The following METTL25 variants were observed in gnomAD, a reference collection of about 807,000 sequenced individuals.
METTL25 encodes methyltransferase like 25.
A neutral mutation model predicts 71.6 loss-of-function variants in METTL25; 64 were observed. The observed-to-expected ratio is 0.89, with a 90% confidence interval of 0.73 to 1.10. The LOEUF is 1.10. METTL25 is among the 50% of genes least tolerant of loss of function. The pLI, the probability that METTL25 is intolerant of heterozygous loss-of-function variation, is 0.00. For synonymous variants in METTL25, 287 were observed against 250.3 expected (o/e 1.15, Z -1.38); for missense variants, 807 against 707.0 (o/e 1.14, Z -1.60).
At position 82,476,704 on chromosome 12, in the gene METTL25, G is replaced by C; in HGVS notation, c.1633G>C (p.Glu545Gln). ...EKYKPRMNEL[E>Q]AFNMLKVVLA... is the part of the protein sequence containing the mutation. The stretch of plus-strand genomic sequence containing the variant: ...GTATAAGCCTCGAATGAATGAGCTG[G>C]AAGCTTTTAATATGGTAAATCTCAG... The change falls in exon 10 of 12, where the codon GAA becomes CAA. Residue 545 changes from glutamate to glutamine, a missense_variant. By Grantham distance (29) the Glu-to-Gln change is conservative. Transcript: ENST00000248306. The C allele has an allele frequency of 5.0e-6, 8 of 1,593,114 alleles. No individual in the cohort carries two copies. The highest frequency in any genetic ancestry group is 6.8e-6 in the Non-Finnish European group (8 of 1,170,052).
chr12:82,365,745 G>A (rs2136818595), intron 1 of METTL25, among the ~76,000 whole-genome samples: 1 of 144,774 alleles, frequency 6.9e-6, no homozygotes, highest in South Asian at 2.1e-4. Flanking sequence ...CAAAACAACA[G>A]AAGCAACTTA....
At position 82,358,683 on chromosome 12, in the gene METTL25, G is replaced by C; in HGVS notation, c.118G>C (p.Asp40His). Reference protein sequence around the residue: ...ALSISNAHTVDFYTESVWEEL... With the variant: ...ALSISNAHTVHFYTESVWEEL... ...GTCCATTTCCAATGCACATACCGTG[G>C]ATTTCTACACAGAATCCGTGTGGGA... The change falls in exon 1 of 12, where the codon GAT (aspartate) becomes CAT (histidine). Residue 40 changes from aspartate to histidine, a missense_variant. Coordinates refer to ENST00000248306, the MANE Select transcript of METTL25 (RefSeq NM_032230.3). 1 of 1,614,226 alleles carries C rather than the reference G, an allele frequency of 6.2e-7. No individual in the cohort carries two copies. The highest frequency in any genetic ancestry group is 1.6e-4 in the Middle Eastern group (1 of 6,062).
At chr12:82,465,686 C>CT in intron 9 of METTL25, among the ~76,000 whole-genome samples, 1 of 151,900 alleles carries the variant, frequency 6.6e-6, no homozygotes, top group Non-Finnish European at 1.5e-5. Flanking sequence ...GGTATTCATT[C>CT]TTTTTTAAAC....
chr12:82,463,397 C>T (rs1892026387), intron 9 of METTL25, among the ~76,000 whole-genome samples: 1 of 151,872 alleles, frequency 6.6e-6, no homozygotes, highest in Non-Finnish European at 1.5e-5. Context: ...CACATGTTGC[C>T]AGGAATGAAG....
intron 1 of METTL25, among the ~76,000 whole-genome samples, chr12:82,375,232 C>A (rs962663639): frequency 1.3e-5 from 2 of 152,018 alleles, no homozygotes; most frequent in Admixed American, 6.6e-5. Context: ...AGAAGTAGGA[C>A]CTTTAGTAGG....
chr12:82,430,977 C>T lies in METTL25; in HGVS notation c.1364C>T (p.Ser455Leu), dbSNP rs1889441907. The change falls in exon 6 of 12, where the codon TCA (serine) becomes TTA (leucine). Residue 455 changes from serine to leucine, a missense_variant. Physicochemically the swap from Ser to Leu is moderately radical, Grantham distance 145 (BLOSUM62 -2). Transcript: ENST00000248306. Reference protein sequence around the residue: ...RWCCGRNARMSACLALERVAA... With the variant: ...RWCCGRNARMLACLALERVAA... ...TGCTGTGGTCGTAATGCCAGAATGT[C>T]AGCATGTTTGGTATGGTTATATTTT... The T allele has an allele frequency of 2.5e-6, 4 of 1,588,792 alleles. No homozygotes were observed. The highest frequency in any genetic ancestry group is 1.1e-5 in the South Asian group (1 of 88,732).
At position 82,358,798 on chromosome 12, in the gene METTL25, C is replaced by G. The variant is rs528776770; in HGVS notation, c.233C>G (p.Pro78Arg). The G allele has an allele frequency of 1.2e-6, 2 of 1,613,144 alleles. No individual in the cohort carries two copies. Among genetic ancestry groups the G allele is most frequent in the African/African-American group, 2.7e-5 (2 of 74,864 alleles). ...GAGGCCCTGCCCTCAGAGACGCGCCCCCTAGTGGAAGCAGAGTGGGAAGCA... is the reference window on the plus strand; with the variant it reads ...GAGGCCCTGCCCTCAGAGACGCGCCGCCTAGTGGAAGCAGAGTGGGAAGCA... ...ETEALPSETR[P>R]LVEAEWEAGM... Residue 78 changes from proline to arginine, a missense_variant, in exon 1 of 12, where the codon CCC becomes CGC. Physicochemically the swap from Pro to Arg is moderately radical, Grantham distance 103 (BLOSUM62 -2). Coordinates refer to ENST00000248306, the MANE Select transcript of METTL25 (RefSeq NM_032230.3).
chr12:82,383,129 A>G (rs1884603515), intron 1 of METTL25, among the ~76,000 whole-genome samples: 1 of 152,136 alleles, frequency 6.6e-6, no homozygotes, highest in African/African-American at 2.4e-5. Context: ...GATCTCTGCC[A>G]GAGGGAATAC....
intron 8 of METTL25, chr12:82,439,796 A>G (rs2137187845): frequency 1.2e-6 from 1 of 860,594 alleles, no homozygotes; most frequent in East Asian, 1.2e-4. Context: ...AAGCCATAAA[A>G]TTGTGCAAAT....
intron 3 of METTL25, among the ~76,000 whole-genome samples, chr12:82,396,948 A>T (rs971955843): frequency 1.3e-5 from 2 of 152,118 alleles, no homozygotes; most frequent in African/African-American, 4.8e-5. Context: ...ATTGCTGAGT[A>T]GTATGCCATA....
chr12:82,422,670 C>T (rs551579831), intron 5 of METTL25, among the ~76,000 whole-genome samples: 263 of 152,270 alleles, frequency 1.7e-3, no homozygotes, highest in Non-Finnish European at 2.8e-3. Flanking sequence ...CCAAAATCTC[C>T]CTAAGGTGAT....
chr12:82,398,898 G>A lies in METTL25; in HGVS notation c.635G>A (p.Gly212Glu), dbSNP rs781279458. Residue 212 changes from glycine to glutamate, a missense_variant, in exon 4 of 12, where the codon GGA becomes GAA. Physicochemically the swap from Gly to Glu is moderately conservative, Grantham distance 98 (BLOSUM62 -2). Coordinates refer to ENST00000248306, the MANE Select transcript of METTL25 (RefSeq NM_032230.3). ...GATTCTTCAAATACCAATACTCATG[G>A]AGCTGAGGAGAGAAACAGAAAATTG... is the stretch of plus-strand genomic sequence containing the variant. The part of the protein sequence containing the change: ...GIDSSNTNTH[G>E]AEERNRKLKK... 6 of 1,612,338 alleles carry A rather than the reference G, an allele frequency of 3.7e-6. 1 individual carries two copies. In the Admixed American group the frequency reaches 1.0e-4, roughly 27 times the overall value.
chr12:82,446,374 C>T (rs963357799), intron 8 of METTL25, among the ~76,000 whole-genome samples: 1 of 152,034 alleles, frequency 6.6e-6, no homozygotes, highest in African/African-American at 2.4e-5. Flanking sequence ...GCATATATAT[C>T]CTTTTCATCA....
chr12:82,427,772 A>G (rs1011569406), intron 5 of METTL25, among the ~76,000 whole-genome samples: 1 of 149,578 alleles, frequency 6.7e-6, no homozygotes, highest in African/African-American at 2.5e-5. Flanking sequence ...TGTGACCACA[A>G]TCATCATCTG....
chr12:82,381,161 G>C (rs1217787760), intron 1 of METTL25, among the ~76,000 whole-genome samples: 2 of 152,104 alleles, frequency 1.3e-5, no homozygotes, highest in Non-Finnish European at 2.9e-5. Flanking sequence ...TACATGGTAG[G>C]TACCCCTGAA....
intron 4 of METTL25, among the ~76,000 whole-genome samples, chr12:82,402,081 T>A (rs1312773689): frequency 2.0e-5 from 3 of 152,094 alleles, no homozygotes; most frequent in Non-Finnish European, 4.4e-5. Context: ...TATACATTTG[T>A]ACTCATTGTG....
At chr12:82,429,645 T>C (rs1468474120) in intron 5 of METTL25, among the ~76,000 whole-genome samples, 1 of 151,662 alleles carries the variant, frequency 6.6e-6, no homozygotes, top group Non-Finnish European at 1.5e-5. Context: ...GTTTTTCATA[T>C]GGCTAGCTAC....
At chr12:82,380,420 T>G (rs1037119028) in intron 1 of METTL25, among the ~76,000 whole-genome samples, 9 of 48,560 alleles carry the variant, frequency 1.9e-4, no homozygotes, top group African/African-American at 5.1e-4. Context: ...TAAAAGTTTA[T>G]ATATGTATGT....
At chr12:82,477,375 A>G (rs1892936632) in intron 11 of METTL25, 23 bp downstream of exon 11, 1 of 1,283,378 alleles carries the variant, frequency 7.8e-7, no homozygotes, top group Admixed American at 2.1e-5. Flanking sequence ...ATTTTAAAAT[A>G]CACAACAAAT....
Sources: allele counts gnomAD v4.1 joint callset (sites outside exome capture counted in the v4.1 genomes callset), GRCh38; gene constraint gnomAD v4.1.1; transcripts MANE v1.5; gene names NCBI Gene and HGNC (gene_info 2026-07-23, HGNC 2026-07-21).